FILIP1L: variants seen among roughly 807,000 people sequenced by gnomAD.
FILIP1L encodes the protein filamin A-interacting protein 1-like.
Under a neutral mutation model 96.6 loss-of-function variants are expected in FILIP1L, and 55 were observed. The ratio of observed to expected loss-of-function variants is 0.57; its 90% CI spans 0.46 to 0.71. FILIP1L has a LOEUF of 0.71. FILIP1L is among the 30% of genes least tolerant of loss of function. The pLI, the probability that FILIP1L is intolerant of heterozygous loss-of-function variation, is 0.00. For missense variants in FILIP1L, 1,304 were observed against 1,321.2 expected (o/e 0.99, Z 0.20); for synonymous variants, 467 against 473.9 (o/e 0.99, Z 0.19).
At chr3:100,070,521 C>T (rs988282798) in intron 1 of FILIP1L, among the ~76,000 whole-genome samples, 28 of 152,264 alleles carry the variant, frequency 1.8e-4, no homozygotes, top group African/African-American at 6.3e-4. Context: ...TACAGATAAA[C>T]CTTGTGCCAA....
chr3:99,843,729 G>C (rs1018082004), intron 5 of FILIP1L, among the ~76,000 whole-genome samples: 2 of 152,120 alleles, frequency 1.3e-5, no homozygotes, highest in Admixed American at 1.3e-4. Context: ...TAGAGCAGGG[G>C]CCTCTAAACC....
intron 1 of FILIP1L, among the ~76,000 whole-genome samples, chr3:99,980,224 T>C (rs886088867): frequency 6.6e-6 from 1 of 152,150 alleles, no homozygotes; most frequent in African/African-American, 2.4e-5. Context: ...GTCTAGGAGC[T>C]GGTGCCAAAT....
intron 4 of FILIP1L, among the ~76,000 whole-genome samples, chr3:99,873,311 T>C (rs893544628): frequency 1.3e-5 from 2 of 152,224 alleles, no homozygotes; most frequent in Admixed American, 1.3e-4. Context: ...TCGTTTAAAA[T>C]TAATATGTCC....
chr3:99,835,282 G>A (rs114801116), intron 5 of FILIP1L, among the ~76,000 whole-genome samples: 12 of 152,238 alleles, frequency 7.9e-5, no homozygotes, highest in Non-Finnish European at 1.3e-4. Flanking sequence ...ACTTTGTCTG[G>A]TCCTTGTGAA....
At chr3:100,086,663 T>C (rs2066015232) in intron 1 of FILIP1L, among the ~76,000 whole-genome samples, 1 of 152,184 alleles carries the variant, frequency 6.6e-6, no homozygotes, top group Non-Finnish European at 1.5e-5. Context: ...AAATTTTTGA[T>C]AAAAATCATT....
At chr3:100,046,677 G>T (rs1285218069) in intron 1 of FILIP1L, among the ~76,000 whole-genome samples, 6 of 152,096 alleles carry the variant, frequency 3.9e-5, no homozygotes, top group African/African-American at 1.4e-4. Context: ...GGCCATCTCA[G>T]CTCCAGGTAA....
chr3:99,976,174 C>G (rs1374760985), intron 1 of FILIP1L, among the ~76,000 whole-genome samples: 1 of 152,110 alleles, frequency 6.6e-6, no homozygotes, highest in Non-Finnish European at 1.5e-5. Context: ...GCACCTGGCC[C>G]AGTGTCTCTT....
At chr3:100,089,383 A>G (rs1300181709) in intron 1 of FILIP1L, among the ~76,000 whole-genome samples, 1 of 152,196 alleles carries the variant, frequency 6.6e-6, no homozygotes, top group Non-Finnish European at 1.5e-5. Flanking sequence ...TTCCTACTCA[A>G]CAATGCTAGC....
intron 1 of FILIP1L, among the ~76,000 whole-genome samples, chr3:99,974,601 G>A (rs1253373156): frequency 6.6e-6 from 1 of 151,992 alleles, no homozygotes; most frequent in Non-Finnish European, 1.5e-5. Flanking sequence ...CAGCTACTCG[G>A]GAGGCTGAGG....
At chr3:99,891,496 C>T (rs1049695704) in intron 4 of FILIP1L, among the ~76,000 whole-genome samples, 2 of 151,964 alleles carry the variant, frequency 1.3e-5, no homozygotes, top group Non-Finnish European at 2.9e-5. Flanking sequence ...ATATTACTTG[C>T]CATCTTATAG....
intron 4 of FILIP1L, among the ~76,000 whole-genome samples, chr3:99,913,981 A>C (rs1221710561): frequency 6.6e-6 from 1 of 152,230 alleles, no homozygotes; most frequent in African/African-American, 2.4e-5. Context: ...GGAAATTTAA[A>C]GAAGTGAGGA....
chr3:99,905,823 G>A (rs1706597867), intron 4 of FILIP1L, among the ~76,000 whole-genome samples: 1 of 152,182 alleles, frequency 6.6e-6, no homozygotes, highest in African/African-American at 2.4e-5. Context: ...TCATATAAAT[G>A]GAATTTACAT....
chr3:100,076,348 G>A (rs1167394333), intron 1 of FILIP1L, among the ~76,000 whole-genome samples: 1 of 152,134 alleles, frequency 6.6e-6, no homozygotes, highest in Non-Finnish European at 1.5e-5. Flanking sequence ...CAAAGTCCAG[G>A]TGCTTACACT....
At chr3:99,857,835 T>C (rs867044885) in intron 4 of FILIP1L, among the ~76,000 whole-genome samples, 2 of 152,352 alleles carry the variant, frequency 1.3e-5, no homozygotes, top group Middle Eastern at 3.4e-3. Context: ...ATGTTCACTA[T>C]GTAAATCTTG....
intron 1 of FILIP1L, among the ~76,000 whole-genome samples, chr3:100,033,577 A>G (rs1489489949): frequency 6.6e-6 from 1 of 152,198 alleles, no homozygotes; most frequent in Non-Finnish European, 1.5e-5. Flanking sequence ...ACTGCCCCTC[A>G]ACTGCACTCT....
At chr3:99,878,013 T>A (rs751059117) in intron 4 of FILIP1L, among the ~76,000 whole-genome samples, 21 of 152,250 alleles carry the variant, frequency 1.4e-4, no homozygotes, top group Non-Finnish European at 3.1e-4. Flanking sequence ...CTGGTTCCCA[T>A]GAAATATGTT....
At chr3:100,023,289 T>C (rs1254560068) in intron 1 of FILIP1L, 2 of 152,630 alleles carry the variant, frequency 1.3e-5, no homozygotes, top group Non-Finnish European at 2.9e-5. Context: ...GTCAAAATGC[T>C]ATGACAACTG....
At position 99,880,751 on chromosome 3, in the gene FILIP1L, A is replaced by C. The variant is rs1213829739; in HGVS notation, c.606-29681T>G. ...AATTTGGAAAATGCATAAAAGTAAAAAATTTTACATGTAGTCCTACCACAT... is the reference window on the plus strand; with the variant it reads ...AATTTGGAAAATGCATAAAAGTAAACAATTTTACATGTAGTCCTACCACAT... On this transcript the variant is annotated intron_variant, in intron 4 of 5. Coordinates refer to ENST00000477258, the MANE Select transcript of FILIP1L (RefSeq NM_001387850.1). 2.6e-5 allele frequency among the ~76,000 whole-genome samples: 4 copies of C among 152,280 alleles called. No individual in the cohort carries two copies. The East Asian group carries it at 7.7e-4, about 29-fold the overall frequency.
At chr3:99,912,015 T>C (rs1706805177) in intron 4 of FILIP1L, among the ~76,000 whole-genome samples, 1 of 152,196 alleles carries the variant, frequency 6.6e-6, no homozygotes, top group South Asian at 2.1e-4. Context: ...CATTAAAAGT[T>C]TTAATTTTTA....
Sources: allele counts gnomAD v4.1 joint callset (sites outside exome capture counted in the v4.1 genomes callset), GRCh38; gene constraint gnomAD v4.1.1; transcripts MANE v1.5; gene names NCBI Gene and HGNC (gene_info 2026-07-23, HGNC 2026-07-21).